MAPK4: variants seen among roughly 807,000 people sequenced by gnomAD.
MAPK4 encodes mitogen-activated protein kinase 4.
MAPK4 carries 22 observed loss-of-function variants against 47.7 expected under a neutral mutation model. That is an observed-to-expected ratio of 0.46 (90% CI 0.33 to 0.66). The LOEUF (loss-of-function observed/expected upper bound fraction) is 0.66. MAPK4 is among the 30% of genes least tolerant of loss of function. MAPK4 has a pLI of 0.02. For missense variants in MAPK4, 736 were observed against 831.7 expected (o/e 0.88, Z 1.42); for synonymous variants, 390 against 365.7 (o/e 1.07, Z -0.76).
intron 1 of MAPK4, among the ~76,000 whole-genome samples, chr18:50,615,599 G>A (rs1222389454): frequency 6.6e-6 from 1 of 152,192 alleles, no homozygotes; most frequent in East Asian, 1.9e-4. Flanking sequence ...CTGAGAGATG[G>A]AGTTTTCCAT....
intron 2 of MAPK4, among the ~76,000 whole-genome samples, chr18:50,677,561 T>G (rs973789840): frequency 5.9e-5 from 9 of 151,498 alleles, no homozygotes; most frequent in Admixed American, 3.3e-4. Flanking sequence ...AAGGTTTTTT[T>G]TTGTTGTTTT....
Position 50,598,294 on chromosome 18 carries a change from C to A in MAPK4, c.-871+38051C>A, listed in dbSNP as rs147819946. Among the ~76,000 whole-genome samples the A allele has an allele frequency of 9.2e-5, 14 of 152,316 alleles. No individual in the cohort carries two copies. The East Asian group carries it at 2.3e-3, about 25-fold the overall frequency. ...ATTTCTAACTCGATCACATCACTTA[C>A]AACAGGAGAAGAATCCCAGACAAAC... On this transcript the variant is annotated intron_variant, in intron 1 of 5. Coordinates refer to ENST00000400384, the MANE Select transcript of MAPK4 (RefSeq NM_002747.4).
At chr18:50,648,486 A>G (rs1444469674) in intron 1 of MAPK4, among the ~76,000 whole-genome samples, 1 of 152,178 alleles carries the variant, frequency 6.6e-6, no homozygotes, top group Non-Finnish European at 1.5e-5. Context: ...GATATGTTTT[A>G]GGAATAATTG....
At chr18:50,670,173 A>T (rs572655090) in intron 2 of MAPK4, 1 of 152,194 alleles carries the variant, frequency 6.6e-6, no homozygotes, top group South Asian at 2.1e-4. Context: ...AAAAAAAAAA[A>T]AAACACTCAT....
At position 50,704,844 on chromosome 18, in the gene MAPK4, G is replaced by A. The variant is rs549183289; in HGVS notation, c.547-10235G>A. On this transcript the variant is annotated intron_variant, in intron 2 of 5. Coordinates refer to ENST00000400384, the MANE Select transcript of MAPK4 (RefSeq NM_002747.4). ...GAGCATCATGATGACCAAATGGAAG[G>A]AAACAGAGGGTGAGGAGCACCCCAA... is the stretch of plus-strand genomic sequence containing the variant. 7.9e-4 allele frequency: 315 copies of A among 398,344 alleles called. 1 individual carries two copies. The highest frequency in any genetic ancestry group is 6.6e-4 in the Non-Finnish European group (150 of 226,118). 24.7% of individuals were successfully genotyped at this position (398,344 alleles called of 1,614,324 possible).
At chr18:50,719,096 A>AAG (rs1910792025) in intron 3 of MAPK4, among the ~76,000 whole-genome samples, 1 of 151,634 alleles carries the variant, frequency 6.6e-6, no homozygotes, top group African/African-American at 2.4e-5. Flanking sequence ...AAAAAAAAAA[A>AAG]AAAAGGTAAA....
chr18:50,560,527 G>C (rs114086904), intron 1 of MAPK4: 1 of 152,638 alleles, frequency 6.6e-6, no homozygotes, highest in African/African-American at 2.4e-5. Flanking sequence ...GTTGCCGCTG[G>C]GCTCCTCGCG....
At chr18:50,654,968 G>T (rs896867052) in intron 1 of MAPK4, among the ~76,000 whole-genome samples, 1 of 152,200 alleles carries the variant, frequency 6.6e-6, no homozygotes, top group African/African-American at 2.4e-5. Flanking sequence ...CTTTGGGGAG[G>T]AGGGAACTCC....
intron 1 of MAPK4, among the ~76,000 whole-genome samples, chr18:50,636,639 T>C (rs2042891527): frequency 6.6e-6 from 1 of 152,304 alleles, no homozygotes; most frequent in African/African-American, 2.4e-5. Context: ...CTCCTGAAGA[T>C]CTATTAATAT....
Position 50,573,112 on chromosome 18 carries a change from C to T in MAPK4, c.-871+12869C>T, listed in dbSNP as rs571272561. 1.3e-4 allele frequency among the ~76,000 whole-genome samples: 20 copies of T among 151,756 alleles called. No individual in the cohort carries two copies. The South Asian group carries it at 3.8e-3, about 29-fold the overall frequency. ...AAAGTAAGAAGTGATTGAGGATTGACGTGAGGGAAGGGATTTGTTAGTTTA... is the reference window on the plus strand; with the variant it reads ...AAAGTAAGAAGTGATTGAGGATTGATGTGAGGGAAGGGATTTGTTAGTTTA... On this transcript the variant is annotated intron_variant, in intron 1 of 5. Coordinates refer to ENST00000400384, the MANE Select transcript of MAPK4 (RefSeq NM_002747.4).
At chr18:50,628,365 G>A (rs190071426) in intron 1 of MAPK4, among the ~76,000 whole-genome samples, 363 of 152,252 alleles carry the variant, frequency 2.4e-3, no homozygotes, top group African/African-American at 7.8e-3. Context: ...TTCCATTGCC[G>A]TCTGATCTCG....
intron 2 of MAPK4, among the ~76,000 whole-genome samples, chr18:50,701,986 C>A (rs1043956736): frequency 6.6e-6 from 1 of 151,592 alleles, no homozygotes; most frequent in African/African-American, 2.4e-5. Context: ...CATAGTGAAA[C>A]CCTGTCTCTA....
At chr18:50,651,600 C>T (rs1598868801) in intron 1 of MAPK4, among the ~76,000 whole-genome samples, 1 of 152,316 alleles carries the variant, frequency 6.6e-6, no homozygotes, top group Middle Eastern at 3.4e-3. Context: ...CTCAGGGTTT[C>T]ATAATCTTTC....
chr18:50,634,573 T>C (rs2042864759), intron 1 of MAPK4, among the ~76,000 whole-genome samples: 1 of 152,190 alleles, frequency 6.6e-6, no homozygotes, highest in African/African-American at 2.4e-5. Context: ...TTACCTCTTT[T>C]AGAGTGGGGA....
rs1287982448 is a variant in MAPK4 at position 50,715,967 on chromosome 18, T to G, written c.691+744T>G. On this transcript the variant is annotated intron_variant, in intron 3 of 5. Coordinates refer to ENST00000400384, the MANE Select transcript of MAPK4 (RefSeq NM_002747.4). ...GTTTTCCTAATCTATCATCATTTTT[T>G]GTTCACTTTGGCACAAAGACCTCCT... is the stretch of plus-strand genomic sequence containing the variant. Among the ~76,000 whole-genome samples, 3 of 152,184 alleles carry G rather than the reference T, an allele frequency of 2.0e-5. No homozygotes were observed. The East Asian group carries it at 5.8e-4, about 29-fold the overall frequency.
At chr18:50,638,214 G>GA (rs145229788) in intron 1 of MAPK4, among the ~76,000 whole-genome samples, 1 of 152,118 alleles carries the variant, frequency 6.6e-6, no homozygotes, top group Non-Finnish European at 1.5e-5. Flanking sequence ...TTCTAGAGTG[G>GA]AAAAAATCTC....
chr18:50,636,692 T>C (rs1761736460), intron 1 of MAPK4, among the ~76,000 whole-genome samples: 1 of 152,250 alleles, frequency 6.6e-6, no homozygotes, highest in South Asian at 2.1e-4. Flanking sequence ...TTTCAATGTT[T>C]CCTAATCTCC....
At chr18:50,697,439 T>C (rs139401931) in intron 2 of MAPK4, among the ~76,000 whole-genome samples, 108 of 152,302 alleles carry the variant, frequency 7.1e-4, no homozygotes, top group African/African-American at 2.5e-3. Context: ...TCAATAAATG[T>C]ATTCATTGAG....
At chr18:50,675,787 GC>G (rs569712479) in intron 2 of MAPK4, among the ~76,000 whole-genome samples, 37 of 152,154 alleles carry the variant, frequency 2.4e-4, no homozygotes, top group Non-Finnish European at 4.7e-4. Flanking sequence ...ACCACGCCCA[GC>G]CCATTTTTTT....
Sources: gnomAD v4.1 joint callset for allele counts (sites outside exome capture counted in the v4.1 genomes callset) on GRCh38, gnomAD v4.1.1 for gene constraint, MANE v1.5 for transcripts, NCBI Gene and HGNC (gene_info 2026-07-23, HGNC 2026-07-21) for gene names.